Variants in BAZ2B observed in about 807,000 individuals in gnomAD.
The protein encoded by BAZ2B is bromodomain adjacent to zinc finger domain 2B, also known as bromodomain adjacent to zinc finger domain protein 2B.
BAZ2B carries 91 observed loss-of-function variants against 246.0 expected under a neutral mutation model. The observed-to-expected ratio is 0.37, with a 90% CI of 0.31 to 0.44. The LOEUF is 0.44. Among genes scored for constraint, BAZ2B ranks in the 20% least tolerant of loss-of-function variants. The pLI, the probability that BAZ2B is intolerant of heterozygous loss-of-function variation, is 1.00. For synonymous variants in BAZ2B, 855 were observed against 860.0 expected (o/e 0.99, Z 0.10); for missense variants, 2,332 against 2,533.7 (o/e 0.92, Z 1.71).
intron 2 of BAZ2B, among the ~76,000 whole-genome samples, chr2:159,524,476 C>A (rs1439607202): frequency 6.6e-6 from 1 of 151,858 alleles, no homozygotes; most frequent in South Asian, 2.1e-4. Context: ...ACAAACAAAC[C>A]CAGAATAGCA....
intron 13 of BAZ2B, among the ~76,000 whole-genome samples, chr2:159,419,255 GAT>G (rs980227666): frequency 6.6e-6 from 1 of 152,050 alleles, no homozygotes; most frequent in African/African-American, 2.4e-5. Flanking sequence ...AGTAATGTAA[GAT>G]ATGAAATTAC....
chr2:159,604,962 G>A (rs1282934087), intron 1 of BAZ2B, among the ~76,000 whole-genome samples: 1 of 152,136 alleles, frequency 6.6e-6, no homozygotes, highest in East Asian at 1.9e-4. Flanking sequence ...GCGCGTGTGT[G>A]CGCGCGCTAG....
the BAZ2B span, among the ~76,000 whole-genome samples, chr2:159,626,983 G>T: frequency 2.0e-5 from 3 of 152,080 alleles, no homozygotes; most frequent in Non-Finnish European, 4.4e-5. Context: ...TGATGAAGTG[G>T]ATGTCACCAC....
chr2:159,667,457 A>G, the BAZ2B span, among the ~76,000 whole-genome samples: 1 of 151,908 alleles, frequency 6.6e-6, no homozygotes, highest in East Asian at 1.9e-4. Flanking sequence ...TTAGCCAGGC[A>G]TGGTGGCACA....
At chr2:159,617,638 A>T (rs1331623662), upstream of BAZ2B, among the ~76,000 whole-genome samples, 1 of 152,182 alleles carries the variant, frequency 6.6e-6, no homozygotes, top group Non-Finnish European at 1.5e-5. Context: ...TATTTTATAC[A>T]TATGTGGATA....
chr2:159,682,918 C>CCCA, the BAZ2B span, among the ~76,000 whole-genome samples: 12 of 146,362 alleles, frequency 8.2e-5, no homozygotes, highest in African/African-American at 2.6e-4. Context: ...CTCCCCCCCC[C>CCCA]CACACACACC....
rs56310950 is a variant in BAZ2B at position 159,541,259 on chromosome 2, C to CTTATTA, written c.-3+14558_-3+14563dup. Among the ~76,000 whole-genome samples the CTTATTA allele has an allele frequency of 3.7e-3, 542 of 148,324 alleles. 2 individuals are homozygous for CTTATTA. The highest frequency in any genetic ancestry group is 6.9e-3 in the Middle Eastern group (2 of 288). On this transcript the variant is annotated intron_variant, in intron 2 of 36. Coordinates refer to ENST00000392783, the MANE Select transcript of BAZ2B (RefSeq NM_013450.4). ...GCTCTAGGGTAAACAAACAAAAGCC[C>CTTATTA]TTATTATTATTATTATTATTATTAT... is the stretch of plus-strand genomic sequence containing the variant.
At chr2:159,511,348 C>G (rs1215289777) in intron 2 of BAZ2B, among the ~76,000 whole-genome samples, 4 of 152,040 alleles carry the variant, frequency 2.6e-5, no homozygotes, top group Non-Finnish European at 5.9e-5. Context: ...GGATTACAGG[C>G]ACCCAACACC....
intron 2 of BAZ2B, among the ~76,000 whole-genome samples, chr2:159,493,897 A>T (rs1231108017): frequency 6.6e-6 from 1 of 152,196 alleles, no homozygotes; most frequent in Non-Finnish European, 1.5e-5. Flanking sequence ...TGAACAGAAA[A>T]AAAGCAGAAA....
intron 2 of BAZ2B, among the ~76,000 whole-genome samples, chr2:159,528,350 G>GA (rs905054631): frequency 6.6e-6 from 1 of 151,806 alleles, no homozygotes; most frequent in Non-Finnish European, 1.5e-5. Context: ...TATTTAGGGG[G>GA]AAAAAAAGAA....
At chr2:159,497,130 A>T (rs1035379268) in intron 2 of BAZ2B, among the ~76,000 whole-genome samples, 6 of 152,086 alleles carry the variant, frequency 3.9e-5, no homozygotes, top group Non-Finnish European at 7.4e-5. Flanking sequence ...AATTACTATA[A>T]TTTTTTTATT....
intron 6 of BAZ2B, among the ~76,000 whole-genome samples, chr2:159,443,579 T>C (rs2073809574): frequency 1.3e-5 from 2 of 152,214 alleles, no homozygotes; most frequent in African/African-American, 4.8e-5. Context: ...ATCTCCATTT[T>C]ACTTGAGCAA....
chr2:159,325,592 G>C (rs1356851341), intron 35 of BAZ2B, 61 bp downstream of exon 35: 2 of 1,501,282 alleles, frequency 1.3e-6, no homozygotes, highest in Non-Finnish European at 1.8e-6. Flanking sequence ...ATGGTAAAAG[G>C]TTTCTAAACA....
chr2:159,319,663 A>G lies in BAZ2B; in HGVS notation c.*602T>C, dbSNP rs1379195762. 1 of 152,600 alleles carries G rather than the reference A, an allele frequency of 6.6e-6. No homozygotes were observed. Among genetic ancestry groups the G allele is most frequent in the Non-Finnish European group, 1.5e-5 (1 of 68,016 alleles). 9.5% of individuals were successfully genotyped at this position (152,600 alleles called of 1,614,324 possible). A position where few individuals can be genotyped will look rare whatever the true frequency, so the allele number is the denominator to read the frequency against. On this transcript the variant is annotated 3_prime_UTR_variant, in exon 37 of 37. Coordinates refer to ENST00000392783, the MANE Select transcript of BAZ2B (RefSeq NM_013450.4). The surrounding 1 kb of genome is among the most constrained non-coding windows in gnomAD (Gnocchi z 4.0). ...ACATATATATATAAATGTACTTGTA[A>G]CTCTACAGTAAAGTTTCTTTTTGGT...
At chr2:159,626,873 C>G in the BAZ2B span, among the ~76,000 whole-genome samples, 1 of 152,072 alleles carries the variant, frequency 6.6e-6, no homozygotes, top group Non-Finnish European at 1.5e-5. Context: ...ATCAATGAAT[C>G]CAGGACCTGG....
chr2:159,663,841 T>C, the BAZ2B span, among the ~76,000 whole-genome samples: 3,827 of 145,688 alleles, frequency 0.026, 92 homozygotes, highest in Non-Finnish European at 0.041. Context: ...TTTAAGAAAC[T>C]GTCAAACCAT....
intron 2 of BAZ2B, among the ~76,000 whole-genome samples, chr2:159,535,425 G>A (rs1377048278): frequency 6.6e-6 from 1 of 152,166 alleles, no homozygotes; most frequent in African/African-American, 2.4e-5. Context: ...GGGAGTCTGA[G>A]GCAAAAGAAC....
At chr2:159,444,545 T>C (rs1203161747) in intron 6 of BAZ2B, 1 of 152,234 alleles carries the variant, frequency 6.6e-6, no homozygotes, top group Non-Finnish European at 1.5e-5. Context: ...TGTTCAGTTC[T>C]GTTTCATTTG....
At chr2:159,316,971 A>T (rs2062197304), downstream of BAZ2B, among the ~76,000 whole-genome samples, 1 of 151,746 alleles carries the variant, frequency 6.6e-6, no homozygotes, top group African/African-American at 2.4e-5. Flanking sequence ...ACTGCATTCC[A>T]GCCTGGGCGA....
Sources: gnomAD v4.1 joint callset for allele counts (sites outside exome capture counted in the v4.1 genomes callset) on GRCh38, gnomAD v4.1.1 for gene constraint, Gnocchi (gnomAD v3.1) non-coding constraint, MANE v1.5 for transcripts, NCBI Gene and HGNC (gene_info 2026-07-23, HGNC 2026-07-21) for gene names.